The following FBXL7 variants were observed in gnomAD, a reference collection of about 807,000 sequenced individuals.
The protein encoded by FBXL7 is F-box and leucine rich repeat protein 7, also known as F-box/LRR-repeat protein 7.
FBXL7 carries 12 observed loss-of-function variants against 38.3 expected under a neutral mutation model. The observed-to-expected ratio is 0.31, with a 90% CI of 0.20 to 0.51. The LOEUF is 0.51. FBXL7 is among the 20% of genes least tolerant of loss of function. The pLI, the probability that FBXL7 is intolerant of heterozygous loss-of-function variation, is 0.98. For missense variants in FBXL7, 567 were observed against 676.4 expected (o/e 0.84, Z 1.79); for synonymous variants, 297 against 300.9 (o/e 0.99, Z 0.13).
intron 2 of FBXL7, among the ~76,000 whole-genome samples, chr5:15,804,670 A>T (rs756062492): frequency 2.0e-5 from 3 of 152,118 alleles, no homozygotes; most frequent in Non-Finnish European, 4.4e-5. Context: ...GTGAGGGAGC[A>T]TTGTATCCTG....
intron 1 of FBXL7, among the ~76,000 whole-genome samples, chr5:15,565,964 C>T (rs1738560984): frequency 6.6e-6 from 1 of 152,018 alleles, no homozygotes; most frequent in Admixed American, 6.6e-5. Flanking sequence ...AATGTCTGAC[C>T]AAACCTCAGG....
intron 2 of FBXL7, among the ~76,000 whole-genome samples, chr5:15,705,563 T>C (rs1210213694): frequency 1.3e-5 from 2 of 152,224 alleles, no homozygotes; most frequent in African/African-American, 2.4e-5. Context: ...TGAAAAATTA[T>C]CACTAGAAAG....
chr5:15,808,106 A>G (rs1737763872), intron 2 of FBXL7, among the ~76,000 whole-genome samples: 1 of 150,918 alleles, frequency 6.6e-6, no homozygotes, highest in African/African-American at 2.4e-5. Flanking sequence ...GAAATTACTC[A>G]CATGCTCCTG....
chr5:15,936,681 C>A lies in FBXL7; in HGVS notation c.971C>A (p.Ala324Asp). The A allele has an allele frequency of 1.2e-6, 2 of 1,608,450 alleles. No homozygotes were observed. The highest frequency in any genetic ancestry group is 1.7e-6 in the Non-Finnish European group (2 of 1,179,686). ...EGLRYLVIYC[A>D]SIKELSVSDC... is the part of the protein sequence containing the mutation. ...CTGCGCTACCTGGTGATCTACTGCG[C>A]CTCCATCAAGGAGCTGAGCGTCAGC... Residue 324 changes from alanine to aspartate, a missense_variant, in exon 4 of 4, where the codon GCC becomes GAC. By Grantham distance (126) the Ala-to-Asp change is moderately radical. Coordinates refer to ENST00000504595, the MANE Select transcript of FBXL7 (RefSeq NM_012304.5). This position sits in a 1 kb window ranked among gnomAD's most constrained non-coding sequence, Gnocchi z 6.0.
intron 1 of FBXL7, among the ~76,000 whole-genome samples, chr5:15,578,956 C>A (rs751783352): frequency 8.5e-5 from 13 of 152,154 alleles, no homozygotes; most frequent in Non-Finnish European, 1.9e-4. Flanking sequence ...TCCAAGTGAG[C>A]CTGCATGTTT....
chr5:15,790,155 G>C (rs142607885), intron 2 of FBXL7, among the ~76,000 whole-genome samples: 23 of 152,172 alleles, frequency 1.5e-4, no homozygotes, highest in South Asian at 8.3e-4. Flanking sequence ...ATTTTATGTT[G>C]TTACAGTCAA....
In FBXL7 at chr5:15,782,214, T is replaced by G. The variant is rs144045399; in HGVS notation, c.128-145676T>G. ...TGGTGTGTATGTGCCACATTTTCTTTATCAAGTCTAACATTGATAGGCATT... is the reference window on the plus strand; with the variant it reads ...TGGTGTGTATGTGCCACATTTTCTTGATCAAGTCTAACATTGATAGGCATT... On this transcript the variant is annotated intron_variant, in intron 2 of 3. Transcript: ENST00000504595. 4.0e-3 allele frequency among the ~76,000 whole-genome samples: 614 copies of G among 152,300 alleles called. 1 individual carries two copies. The highest frequency in any genetic ancestry group is 0.014 in the African/African-American group (578 of 41,560).
intron 2 of FBXL7, among the ~76,000 whole-genome samples, chr5:15,887,494 T>A (rs566267080): frequency 6.6e-5 from 10 of 152,352 alleles, no homozygotes; most frequent in African/African-American, 2.4e-4. Flanking sequence ...GGGATTTAAG[T>A]CTGAGAAAGC....
intron 2 of FBXL7, among the ~76,000 whole-genome samples, chr5:15,868,357 G>T (rs1739809308): frequency 6.6e-6 from 1 of 152,230 alleles, no homozygotes; most frequent in Non-Finnish European, 1.5e-5. Flanking sequence ...ATCCATGCCA[G>T]AATTCTGACC....
intron 2 of FBXL7, among the ~76,000 whole-genome samples, chr5:15,745,976 A>G (rs1014532279): frequency 5.9e-5 from 9 of 152,184 alleles, no homozygotes; most frequent in African/African-American, 2.2e-4. Flanking sequence ...CTCTTTCCAA[A>G]TGAGAGAGGA....
At chr5:15,664,985 A>G (rs1410575823) in intron 2 of FBXL7, among the ~76,000 whole-genome samples, 1 of 151,998 alleles carries the variant, frequency 6.6e-6, no homozygotes, top group Non-Finnish European at 1.5e-5. Flanking sequence ...TTAATACCAT[A>G]AAGATGTTAA....
chr5:15,714,850 A>AG (rs1743990854), intron 2 of FBXL7, among the ~76,000 whole-genome samples: 2 of 145,536 alleles, frequency 1.4e-5, no homozygotes, highest in Non-Finnish European at 3.0e-5. Context: ...GTCCGTCTCA[A>AG]AAAAAAAAAA....
intron 2 of FBXL7, among the ~76,000 whole-genome samples, chr5:15,890,248 C>CTTTTTGTT (rs1194046318): frequency 1.3e-5 from 2 of 151,866 alleles, no homozygotes; most frequent in Non-Finnish European, 2.9e-5. Context: ...GCATTTGATT[C>CTTTTTGTT]TTTTTGTTTT....
chr5:15,541,789 C>T (rs773729688), intron 1 of FBXL7, among the ~76,000 whole-genome samples: 39 of 151,958 alleles, frequency 2.6e-4, no homozygotes, highest in South Asian at 1.3e-3. Context: ...AAGTGATCCG[C>T]CTGCCTTTGC....
At chr5:15,677,474 A>AGAGCG in intron 2 of FBXL7, among the ~76,000 whole-genome samples, 1 of 149,202 alleles carries the variant, frequency 6.7e-6, no homozygotes, top group Non-Finnish European at 1.5e-5. Context: ...AAAAGAAAGA[A>AGAGCG]AGAGAGAGAG....
chr5:15,583,566 A>G (rs1042437479), intron 1 of FBXL7, among the ~76,000 whole-genome samples: 5 of 152,206 alleles, frequency 3.3e-5, no homozygotes, highest in Non-Finnish European at 7.4e-5. Context: ...GTCCCCATGC[A>G]AGTCCAAAAT....
At chr5:15,772,683 A>G (rs879415790) in intron 2 of FBXL7, among the ~76,000 whole-genome samples, 1 of 152,238 alleles carries the variant, frequency 6.6e-6, no homozygotes, top group Non-Finnish European at 1.5e-5. Flanking sequence ...TATATAGCAC[A>G]GTGACTGGCC....
At chr5:15,661,646 T>A (rs1742079045) in intron 2 of FBXL7, among the ~76,000 whole-genome samples, 1 of 152,208 alleles carries the variant, frequency 6.6e-6, no homozygotes, top group African/African-American at 2.4e-5. Flanking sequence ...TTATCACACA[T>A]GTGTGAAACC....
At chr5:15,717,186 T>C (rs1744066932) in intron 2 of FBXL7, among the ~76,000 whole-genome samples, 1 of 152,196 alleles carries the variant, frequency 6.6e-6, no homozygotes, top group South Asian at 2.1e-4. Context: ...GAAGGTCATA[T>C]GCATTTGCCA....
Sources: gnomAD v4.1 joint callset for allele counts (sites outside exome capture counted in the v4.1 genomes callset) on GRCh38, gnomAD v4.1.1 for gene constraint, Gnocchi (gnomAD v3.1) non-coding constraint, MANE v1.5 for transcripts, NCBI Gene and HGNC (gene_info 2026-07-23, HGNC 2026-07-21) for gene names.